CCPG1: variants seen among roughly 807,000 people sequenced by gnomAD.
The protein encoded by CCPG1 is cell cycle progression protein 1.
Under a neutral mutation model 81.3 loss-of-function variants are expected in CCPG1, and 46 were observed. The observed-to-expected ratio is 0.57, with a 90% confidence interval of 0.45 to 0.72. The LOEUF (loss-of-function observed/expected upper bound fraction) is 0.72. CCPG1 is among the 30% of genes least tolerant of loss of function. The probability of loss-of-function intolerance (pLI) is 0.00; values close to 1 mark genes in which losing one functional copy is unlikely to be tolerated. For missense variants in CCPG1, 902 were observed against 937.6 expected, an observed-to-expected ratio of 0.96 and a Z score of 0.50; for synonymous variants, 330 against 305.2, an observed-to-expected ratio of 1.08 and a Z score of -0.85.
Position 55,404,540 on chromosome 15 carries a change from T to C in CCPG1, c.-10+3681A>G, listed in dbSNP as rs529351731. On this transcript the variant is annotated intron_variant, in intron 1 of 8. Transcript: ENST00000442196. ...AAACATGGTTCTGAACGTGATTCAA[T>C]GTTGACAAGTTTAAGATTTTCCAGG... is the stretch of plus-strand genomic sequence containing the variant. Among the ~76,000 whole-genome samples, 94 of 152,318 alleles carry C rather than the reference T, an allele frequency of 6.2e-4. 2 individuals are homozygous for C. The highest frequency in any genetic ancestry group is 2.2e-3 in the African/African-American group (91 of 41,568).
At chr15:55,396,154 CA>C (rs57419686) in intron 1 of CCPG1, among the ~76,000 whole-genome samples, 39,949 of 122,760 alleles carry the variant, frequency 0.33, 5,811 homozygotes, top group Non-Finnish European at 0.4. Context: ...ACTCCACCTC[CA>C]AAAAAAAAAA....
chr15:55,373,297 T>C (rs1394506095), intron 5 of CCPG1, among the ~76,000 whole-genome samples: 18 of 152,154 alleles, frequency 1.2e-4, no homozygotes, highest in Admixed American at 1.2e-3. Context: ...AAAATAAGGA[T>C]AAAATATGAA....
rs535327387 is a variant in CCPG1, at chr15:55,395,566, A to G, written c.-9-6133T>C. On this transcript the variant is annotated intron_variant, in intron 1 of 8. Transcript: ENST00000442196. Reference sequence around the variant, plus strand: ...AAATGCTTGGCTTTGTCTTTACTCCAGGGCTTTACATATTCTGATCAGTTG... The same window carrying G: ...AAATGCTTGGCTTTGTCTTTACTCCGGGGCTTTACATATTCTGATCAGTTG... Among the ~76,000 whole-genome samples, 6 of 152,098 alleles carry G rather than the reference A, an allele frequency of 3.9e-5. No individual in the cohort carries two copies. In the East Asian group the frequency reaches 1.2e-3, roughly 30 times the overall value.
chr15:55,356,679 TAATG>T (rs2056083426), intron 8 of CCPG1: 2 of 1,147,584 alleles, frequency 1.7e-6, no homozygotes, highest in Non-Finnish European at 2.1e-6. Flanking sequence ...GACAATAAAA[TAATG>T]AGATGTGTTT....
chr15:55,377,228 G>A lies in CCPG1; in HGVS notation c.253-78C>T, dbSNP rs2056585496. On this transcript the variant is annotated intron_variant, in intron 4 of 8. Coordinates refer to ENST00000442196, the MANE Select transcript of CCPG1 (RefSeq NM_001204450.2). ...TACATTTTCTTAGAATACAACAGTA[G>A]TAAGTATTATAGTCATCTGAGTTAA... 3.1e-6 allele frequency: 3 copies of A among 971,314 alleles called. No homozygotes were observed. The Admixed American group carries it at 6.4e-5, about 21-fold the overall frequency. 60.2% of individuals were successfully genotyped at this position (971,314 alleles called of 1,614,324 possible). A position where few individuals can be genotyped will look rare whatever the true frequency, so the allele number is the denominator to read the frequency against.
rs1245601311 is a variant in CCPG1 at position 55,355,363 on chromosome 15, A to T, written c.*857T>A. ...TCCACACTCACTTGCCAGAGGGTCG[A>T]ATTGGAAGTCACATATATGTCTATG... On this transcript the variant is annotated 3_prime_UTR_variant, in exon 9 of 9. Transcript: ENST00000442196. 6.2e-7 allele frequency: 1 copy of T among 1,611,482 alleles called. No individual in the cohort carries two copies. The highest frequency in any genetic ancestry group is 8.5e-7 in the Non-Finnish European group (1 of 1,177,774).
intron 6 of CCPG1, among the ~76,000 whole-genome samples, chr15:55,370,667 G>A (rs1339033504): frequency 2.6e-5 from 4 of 152,136 alleles, no homozygotes; most frequent in Non-Finnish European, 1.5e-5. Flanking sequence ...ACAAGGTCAG[G>A]AGATTGAGAC....
chr15:55,407,396 C>A (rs2057257000), intron 1 of CCPG1, among the ~76,000 whole-genome samples: 1 of 152,062 alleles, frequency 6.6e-6, no homozygotes, highest in African/African-American at 2.4e-5. Context: ...AGATACGATG[C>A]AGTAATAGCG....
intron 3 of CCPG1, among the ~76,000 whole-genome samples, chr15:55,379,480 T>C (rs1405052398): frequency 1.3e-5 from 2 of 151,994 alleles, no homozygotes; most frequent in African/African-American, 4.8e-5. Context: ...TGAGCCATGA[T>C]CATGCCACTG....
chr15:55,400,155 A>G (rs1490619059), intron 1 of CCPG1, among the ~76,000 whole-genome samples: 2 of 138,686 alleles, frequency 1.4e-5, no homozygotes, highest in Non-Finnish European at 3.0e-5. Flanking sequence ...GGTTGCACTG[A>G]GCCGAGATAA....
chr15:55,375,736 G>A (rs1033421191), intron 5 of CCPG1, among the ~76,000 whole-genome samples: 3 of 147,322 alleles, frequency 2.0e-5, no homozygotes, highest in African/African-American at 7.6e-5. Flanking sequence ...CACCCAGGTT[G>A]GCAATCTGGG....
chr15:55,397,986 AAAG>A, intron 1 of CCPG1, among the ~76,000 whole-genome samples: 1 of 151,616 alleles, frequency 6.6e-6, no homozygotes, highest in African/African-American at 2.4e-5. Flanking sequence ...CAAGAAAAAA[AAAG>A]AAGAAGAAAA....
intron 2 of CCPG1, among the ~76,000 whole-genome samples, chr15:55,388,356 T>G (rs1367854435): frequency 6.6e-6 from 1 of 152,196 alleles, no homozygotes; most frequent in African/African-American, 2.4e-5. Flanking sequence ...AAGTTATGTA[T>G]ACTTGTTGTA....
Position 55,402,018 on chromosome 15 carries a change from G to GTC in CCPG1, c.-10+6201_-10+6202dup, listed in dbSNP as rs902745318. Among the ~76,000 whole-genome samples the GTC allele has an allele frequency of 2.6e-5, 4 of 152,214 alleles. No homozygotes were observed. In the South Asian group the frequency reaches 8.3e-4, roughly 32 times the overall value. ...CATTCTGATTTCTGTATTTAAAGCT[G>GTC]TCTTCTCCCATGAAATTTTCCTAGA... On this transcript the variant is annotated intron_variant, in intron 1 of 8. Transcript: ENST00000442196.
At chr15:55,389,662 C>T (rs2056876186) in intron 1 of CCPG1, among the ~76,000 whole-genome samples, 1 of 152,030 alleles carries the variant, frequency 6.6e-6, no homozygotes, top group African/African-American at 2.4e-5. Context: ...ACAGTCTCAA[C>T]AGTTATATTG....
intron 3 of CCPG1, among the ~76,000 whole-genome samples, chr15:55,379,561 G>A (rs1026119663): frequency 6.6e-6 from 1 of 151,968 alleles, no homozygotes; most frequent in Non-Finnish European, 1.5e-5. Flanking sequence ...TCCAGGCACA[G>A]TGGCTCATGC....
At chr15:55,392,106 GA>G (rs1316565520) in intron 1 of CCPG1, among the ~76,000 whole-genome samples, 1 of 147,050 alleles carries the variant, frequency 6.8e-6, no homozygotes, top group Admixed American at 6.8e-5. Flanking sequence ...CATCACACAG[GA>G]AAAACAAAGG....
At position 55,374,137 on chromosome 15, in the gene CCPG1, C is replaced by G. The variant is rs759790477; in HGVS notation, c.455-2093G>C. 21 of 1,270,392 alleles carry G rather than the reference C, an allele frequency of 1.7e-5. No individual in the cohort carries two copies. In the South Asian group the frequency reaches 1.9e-4, roughly 11 times the overall value. The allele number at this position is 1,270,392 out of a possible 1,614,324, so 78.7% of individuals were successfully genotyped here. ...CACACTCAGCTCTAGAGAAGCTGGT[C>G]AGATTTAGTCACACCACCTTGGAAA... On this transcript the variant is annotated intron_variant, in intron 5 of 8. Coordinates refer to ENST00000442196, the MANE Select transcript of CCPG1 (RefSeq NM_001204450.2).
intron 1 of CCPG1, among the ~76,000 whole-genome samples, chr15:55,397,674 G>A (rs1460546710): frequency 6.6e-6 from 1 of 152,112 alleles, no homozygotes; most frequent in African/African-American, 2.4e-5. Flanking sequence ...AGCAGGTTAT[G>A]AGAAGAAAAT....
Sources: allele counts gnomAD v4.1 joint callset (sites outside exome capture counted in the v4.1 genomes callset), GRCh38; gene constraint gnomAD v4.1.1; transcripts MANE v1.5; gene names NCBI Gene and HGNC (gene_info 2026-07-23, HGNC 2026-07-21).